Variants in CNTN5 observed in about 807,000 individuals in gnomAD.
CNTN5 encodes the protein contactin-5.
In CNTN5, 77 loss-of-function variants were observed where a neutral mutation model predicts 129.1. The observed-to-expected ratio is 0.60, with a 90% confidence interval of 0.50 to 0.72. The LOEUF is 0.72. Among genes scored for constraint, CNTN5 ranks in the 30% least tolerant of loss-of-function variants. The probability of loss-of-function intolerance (pLI) is 0.00; values close to 1 mark genes in which losing one functional copy is unlikely to be tolerated. For synonymous variants in CNTN5, 509 were observed against 465.6 expected (o/e 1.09, Z -1.20); for missense variants, 1,478 against 1,328.8 (o/e 1.11, Z -1.75).
At chr11:99,994,999 T>C (rs1453717167) in intron 8 of CNTN5, among the ~76,000 whole-genome samples, 2 of 152,172 alleles carry the variant, frequency 1.3e-5, no homozygotes, top group African/African-American at 4.8e-5. Context: ...GCAAACATTA[T>C]TGATAAAGAG....
At position 100,191,133 on chromosome 11, in the gene CNTN5, A is replaced by C. The variant is rs11223168; in HGVS notation, c.1588A>C (p.Ile530Leu). The change falls in exon 14 of 25, where the codon ATT (isoleucine) becomes CTT (leucine). Residue 530 changes from isoleucine to leucine, a missense_variant. By Grantham distance (5) the Ile-to-Leu change is conservative. Coordinates refer to ENST00000524871, the MANE Select transcript of CNTN5 (RefSeq NM_014361.4). ...TTTTTAAATAATTTTCAGAATAGCT[A>C]TTCTTCCAGACGGGAGTCTACGGAT... is the stretch of plus-strand genomic sequence containing the variant. ...RAVRENKRIA[I>L]LPDGSLRILN... 6.3e-7 allele frequency: 1 copy of C among 1,587,872 alleles called. No individual in the cohort carries two copies. Among genetic ancestry groups the C allele is most frequent in the African/African-American group, 1.4e-5 (1 of 73,318 alleles).
intron 3 of CNTN5, among the ~76,000 whole-genome samples, chr11:99,707,004 A>C (rs1246200135): frequency 6.6e-6 from 1 of 151,378 alleles, no homozygotes; most frequent in Non-Finnish European, 1.5e-5. Context: ...CACAACTCAC[A>C]GAGCCAGGAT....
In CNTN5 at chr11:99,036,679, C is replaced by T. The variant is rs370597910; in HGVS notation, c.-210+15409C>T. Among the ~76,000 whole-genome samples the T allele has an allele frequency of 9.9e-5, 15 of 152,248 alleles. No individual in the cohort carries two copies. The East Asian group carries it at 2.5e-3, about 25-fold the overall frequency. ...CCTCCATAGCGATGATACTAATACT[C>T]CCACTATTAGTGTATTACAGTGTCT... On this transcript the variant is annotated intron_variant, in intron 1 of 24. Transcript: ENST00000524871.
chr11:99,781,830 A>G (rs1353272160), intron 3 of CNTN5, among the ~76,000 whole-genome samples: 2 of 152,004 alleles, frequency 1.3e-5, no homozygotes, highest in Admixed American at 1.3e-4. Context: ...CGTATCTCAA[A>G]ATAATAAGAG....
At chr11:99,211,532 T>A (rs11218861) in intron 1 of CNTN5, among the ~76,000 whole-genome samples, 51,542 of 148,846 alleles carry the variant, frequency 0.35, 9,179 homozygotes, top group Middle Eastern at 0.5. Flanking sequence ...ATTCTAAAAA[T>A]TTTTTCTCCT....
chr11:100,339,432 C>A (rs1169692625), intron 21 of CNTN5, among the ~76,000 whole-genome samples: 1 of 152,070 alleles, frequency 6.6e-6, no homozygotes, highest in African/African-American at 2.4e-5. Flanking sequence ...TGAAGTGCAG[C>A]CCTCTCTCAT....
At chr11:100,001,886 C>G in intron 8 of CNTN5, 148 bp from the exon 9 acceptor site, 1 of 598,240 alleles carries the variant, frequency 1.7e-6, no homozygotes, top group Non-Finnish European at 2.9e-6. Context: ...CCTAAGTGTA[C>G]TACTTATTTC....
intron 9 of CNTN5, among the ~76,000 whole-genome samples, chr11:100,016,384 TCTTTA>T (rs1164650489): frequency 2.0e-5 from 3 of 152,116 alleles, no homozygotes; most frequent in Admixed American, 6.6e-5. Context: ...AACTTCATAT[TCTTTA>T]CTTTTATTTT....
intron 1 of CNTN5, among the ~76,000 whole-genome samples, chr11:99,184,117 T>G (rs1427854074): frequency 6.6e-6 from 1 of 152,130 alleles, no homozygotes; most frequent in East Asian, 1.9e-4. Context: ...TTTTTTAACT[T>G]CTAATTCATT....
intron 3 of CNTN5, among the ~76,000 whole-genome samples, chr11:99,756,808 T>C (rs758796628): frequency 1.3e-5 from 2 of 151,938 alleles, no homozygotes; most frequent in Non-Finnish European, 2.9e-5. Flanking sequence ...TTATTTTAAA[T>C]AAGAGATTTG....
intron 2 of CNTN5, among the ~76,000 whole-genome samples, chr11:99,497,215 G>T (rs1268845739): frequency 6.6e-6 from 1 of 152,294 alleles, no homozygotes; most frequent in East Asian, 1.9e-4. Context: ...TTAACTTAAT[G>T]CTGGTCTGTG....
At chr11:99,590,162 G>GA (rs1220078422) in intron 3 of CNTN5, among the ~76,000 whole-genome samples, 3 of 150,904 alleles carry the variant, frequency 2.0e-5, no homozygotes, top group African/African-American at 7.3e-5. Flanking sequence ...GGGGAAAGTG[G>GA]AAAAAAAAGA....
At chr11:100,225,105 A>G (rs1329890133) in intron 16 of CNTN5, 1 of 198,432 alleles carries the variant, frequency 5.0e-6, no homozygotes, top group Non-Finnish European at 1.0e-5. Context: ...TTGAGCTACT[A>G]AGTCACTTGG....
intron 3 of CNTN5, among the ~76,000 whole-genome samples, chr11:99,755,423 A>T (rs76015046): frequency 0.071 from 10,869 of 152,168 alleles, 619 homozygotes; most frequent in African/African-American, 0.16. Flanking sequence ...GGCATTGTAA[A>T]AGGTATGTAG....
At chr11:99,433,377 G>A (rs3990848) in intron 2 of CNTN5, among the ~76,000 whole-genome samples, 25,112 of 71,094 alleles carry the variant, frequency 0.35, 2,307 homozygotes, top group East Asian at 0.46. Context: ...AAAAATGTGT[G>A]TGTGTGTGTG....
chr11:99,118,882 A>G (rs1858169968), intron 1 of CNTN5, among the ~76,000 whole-genome samples: 1 of 151,552 alleles, frequency 6.6e-6, no homozygotes, highest in African/African-American at 2.4e-5. Flanking sequence ...ATATCTAAAT[A>G]TATTTAGGTA....
At chr11:99,944,733 A>G (rs11221993) in intron 7 of CNTN5, among the ~76,000 whole-genome samples, 10,873 of 152,106 alleles carry the variant, frequency 0.071, 794 homozygotes, top group East Asian at 0.32. Flanking sequence ...ACAAGCAGAG[A>G]GCCAAATCAT....
chr11:100,306,763 G>A (rs1222008532), intron 20 of CNTN5, among the ~76,000 whole-genome samples: 3 of 151,698 alleles, frequency 2.0e-5, no homozygotes, highest in Non-Finnish European at 4.4e-5. Context: ...CAGAATGCAT[G>A]TTTTAAATTG....
chr11:99,237,685 G>GAA (rs140750722), intron 1 of CNTN5, among the ~76,000 whole-genome samples: 2 of 141,268 alleles, frequency 1.4e-5, no homozygotes, highest in Admixed American at 6.9e-5. Flanking sequence ...GTCTCAAAAA[G>GAA]AAAAAAAAAA....
Sources: allele counts gnomAD v4.1 joint callset (sites outside exome capture counted in the v4.1 genomes callset), GRCh38; gene constraint gnomAD v4.1.1; transcripts MANE v1.5; gene names NCBI Gene and HGNC (gene_info 2026-07-23, HGNC 2026-07-21).